Variants in ANO3 observed in about 807,000 individuals in gnomAD.
ANO3 encodes the protein anoctamin 3, also known as anoctamin-3.
In ANO3, 99 loss-of-function variants were observed where a neutral mutation model predicts 144.8. That is an observed-to-expected ratio of 0.68 (90% CI 0.58 to 0.81). ANO3 has a LOEUF of 0.81. Ranked by LOEUF, ANO3 falls within the 30% of genes least tolerant of loss-of-function variation. ANO3 has a pLI of 0.00. For synonymous variants in ANO3, 414 were observed against 392.6 expected (o/e 1.05, Z -0.64); for missense variants, 905 against 1,202.2 (o/e 0.75, Z 3.66).
chr11:26,597,409 G>A (rs11029628), intron 14 of ANO3, among the ~76,000 whole-genome samples: 347 of 152,286 alleles, frequency 2.3e-3, no homozygotes, highest in African/African-American at 8.0e-3. Context: ...GCACTTAGCC[G>A]TGCAGGAACA....
chr11:26,443,538 G>A (rs1043239125), intron 2 of ANO3, among the ~76,000 whole-genome samples: 1 of 152,088 alleles, frequency 6.6e-6, no homozygotes, highest in African/African-American at 2.4e-5. Flanking sequence ...GGAGGCGGAG[G>A]TTGCAGTGAG....
intron 4 of ANO3, among the ~76,000 whole-genome samples, chr11:26,484,432 A>T (rs1326895780): frequency 6.6e-6 from 1 of 152,188 alleles, no homozygotes; most frequent in Admixed American, 6.5e-5. Flanking sequence ...GCCACAAGTC[A>T]TGGCAGCTTC....
At chr11:26,496,519 G>T (rs1018987408) in intron 4 of ANO3, among the ~76,000 whole-genome samples, 3 of 152,186 alleles carry the variant, frequency 2.0e-5, no homozygotes, top group Admixed American at 6.5e-5. Flanking sequence ...ACTGTCTTGT[G>T]AACTCTTCAG....
chr11:26,293,258 C>A (rs1482707650), intron 1 of ANO3, among the ~76,000 whole-genome samples: 1 of 151,840 alleles, frequency 6.6e-6, no homozygotes, highest in African/African-American at 2.4e-5. Flanking sequence ...AAAAGGCATA[C>A]AGGATCTAAT....
At chr11:26,536,593 CTT>C (rs1849515193) in intron 9 of ANO3, among the ~76,000 whole-genome samples, 1 of 151,682 alleles carries the variant, frequency 6.6e-6, no homozygotes, top group Admixed American at 6.6e-5. Flanking sequence ...AATTAGATGT[CTT>C]AGCGTTTATA....
intron 18 of ANO3, among the ~76,000 whole-genome samples, chr11:26,626,314 G>A (rs1201442987): frequency 6.6e-6 from 1 of 152,166 alleles, no homozygotes; most frequent in Admixed American, 6.5e-5. Flanking sequence ...TTTCTTAGAG[G>A]AAAACTCCTG....
intron 14 of ANO3, among the ~76,000 whole-genome samples, chr11:26,589,944 C>A (rs996403691): frequency 6.6e-6 from 1 of 152,152 alleles, no homozygotes; most frequent in African/African-American, 2.4e-5. Flanking sequence ...TCCCCCAATC[C>A]AGTTTTCACC....
intron 1 of ANO3, among the ~76,000 whole-genome samples, chr11:26,351,730 A>G (rs1855650630): frequency 6.6e-6 from 1 of 152,192 alleles, no homozygotes; most frequent in African/African-American, 2.4e-5. Flanking sequence ...AAACTTGGTG[A>G]TTGGTAAAAG....
At chr11:26,343,996 C>A (rs1345831431) in intron 1 of ANO3, among the ~76,000 whole-genome samples, 1 of 152,180 alleles carries the variant, frequency 6.6e-6, no homozygotes, top group African/African-American at 2.4e-5. Flanking sequence ...CCTTATTGTT[C>A]AGTTCTTAGG....
At chr11:26,419,144 T>C (rs1328189261) in intron 1 of ANO3, among the ~76,000 whole-genome samples, 1 of 152,048 alleles carries the variant, frequency 6.6e-6, no homozygotes, top group Non-Finnish European at 1.5e-5. Context: ...GCACTTCCCA[T>C]GGCCAGAGCG....
intron 14 of ANO3, among the ~76,000 whole-genome samples, chr11:26,562,098 A>G (rs1330479604): frequency 6.6e-6 from 1 of 151,916 alleles, no homozygotes; most frequent in African/African-American, 2.4e-5. Context: ...GATTGTATCA[A>G]TTTTTGATAG....
rs1454012401 is a variant in ANO3, at chr11:26,572,035, A to G, written c.1447+12256A>G. ...GAGAGACCTAAGTGACCCAACGCAC[A>G]CTTACCTTCAGGCTTAGGAGGTATT... On this transcript the variant is annotated intron_variant, in intron 14 of 26. Transcript: ENST00000256737. 5.1e-6 allele frequency: 5 copies of G among 977,502 alleles called. No homozygotes were observed. In the African/African-American group the frequency reaches 8.8e-5, roughly 17 times the overall value. 60.6% of individuals were successfully genotyped at this position (977,502 alleles called of 1,614,324 possible).
chr11:26,575,802 G>A (rs1367754944), intron 14 of ANO3, among the ~76,000 whole-genome samples: 1 of 152,034 alleles, frequency 6.6e-6, no homozygotes, highest in African/African-American at 2.4e-5. Flanking sequence ...CTGTTCATAG[G>A]TTTAAAATAT....
At chr11:26,358,227 A>G (rs1182637447) in intron 1 of ANO3, among the ~76,000 whole-genome samples, 1 of 133,864 alleles carries the variant, frequency 7.5e-6, no homozygotes, top group African/African-American at 2.8e-5. Flanking sequence ...GCTGGAGTGC[A>G]GCGGCGCCAT....
chr11:26,306,768 A>G (rs1334463686), upstream of ANO3, among the ~76,000 whole-genome samples: 1 of 152,252 alleles, frequency 6.6e-6, no homozygotes, highest in Non-Finnish European at 1.5e-5. Context: ...TCTTCCCTGC[A>G]TTCCTAACTT....
intron 1 of ANO3, among the ~76,000 whole-genome samples, chr11:26,273,826 G>A (rs962278834): frequency 1.3e-5 from 2 of 152,160 alleles, no homozygotes; most frequent in African/African-American, 4.8e-5. Flanking sequence ...AGAAGACATG[G>A]AGGAAGCAGT....
intron 10 of ANO3, among the ~76,000 whole-genome samples, chr11:26,539,931 A>G (rs111433802): frequency 1.2e-4 from 19 of 152,304 alleles, no homozygotes; most frequent in African/African-American, 4.6e-4. Flanking sequence ...TCAAACTTTC[A>G]TAAAGATAGA....
chr11:26,614,702 G>T (rs1285014971), intron 17 of ANO3, among the ~76,000 whole-genome samples: 1 of 152,114 alleles, frequency 6.6e-6, no homozygotes, highest in East Asian at 1.9e-4. Context: ...GACCACTGAG[G>T]ATCTTTAACT....
chr11:26,240,054 G>GC (rs768926356), intron 1 of ANO3, among the ~76,000 whole-genome samples: 13 of 152,118 alleles, frequency 8.5e-5, no homozygotes, highest in Non-Finnish European at 1.8e-4. Flanking sequence ...TTCTAACTCA[G>GC]CCCCACTTAT....
Sources: gnomAD v4.1 joint callset for allele counts (sites outside exome capture counted in the v4.1 genomes callset) on GRCh38, gnomAD v4.1.1 for gene constraint, MANE v1.5 for transcripts, NCBI Gene and HGNC (gene_info 2026-07-23, HGNC 2026-07-21) for gene names.